The following SHISA9 variants were observed in gnomAD, a reference collection of about 807,000 sequenced individuals.
SHISA9 encodes the protein shisa family member 9, also known as protein shisa-9.
SHISA9 carries 13 observed loss-of-function variants against 38.0 expected under a neutral mutation model. The ratio of observed to expected loss-of-function variants is 0.34; its 90% CI spans 0.22 to 0.54. The LOEUF is 0.54. Ranked by LOEUF, SHISA9 falls within the 20% of genes least tolerant of loss-of-function variation. The pLI, the probability that SHISA9 is intolerant of heterozygous loss-of-function variation, is 0.91. For missense variants in SHISA9, 538 were observed against 575.8 expected, an observed-to-expected ratio of 0.93 and a Z score of 0.67; for synonymous variants, 275 against 242.0, an observed-to-expected ratio of 1.14 and a Z score of -1.27.
At chr16:13,381,366 G>T in the SHISA9 span, among the ~76,000 whole-genome samples, 121 of 152,302 alleles carry the variant, frequency 7.9e-4, no homozygotes, top group African/African-American at 2.6e-3. Flanking sequence ...CTAGTGTTCT[G>T]TGGAGACTCT....
intron 2 of SHISA9, among the ~76,000 whole-genome samples, chr16:13,196,937 T>G (rs1309542882): frequency 6.6e-6 from 1 of 152,022 alleles, no homozygotes; most frequent in Admixed American, 6.6e-5. Flanking sequence ...CCACTAAAAA[T>G]ACAAACATTA....
the SHISA9 span, among the ~76,000 whole-genome samples, chr16:13,491,275 G>A: frequency 5.3e-5 from 8 of 152,100 alleles, no homozygotes; most frequent in African/African-American, 1.9e-4. Context: ...TGATGGTAAC[G>A]AGGATGACGG....
chr16:13,455,876 T>A, the SHISA9 span, among the ~76,000 whole-genome samples: 1 of 152,162 alleles, frequency 6.6e-6, no homozygotes. Context: ...GACTGTGAGT[T>A]TTTCTCTAAG....
the SHISA9 span, among the ~76,000 whole-genome samples, chr16:13,475,965 C>T: frequency 7.4e-4 from 112 of 152,200 alleles, no homozygotes; most frequent in African/African-American, 2.6e-3. Flanking sequence ...CTATGGGGAG[C>T]AGCTGTAAAT....
the SHISA9 span, among the ~76,000 whole-genome samples, chr16:13,558,550 T>C: frequency 1.3e-5 from 2 of 152,174 alleles, no homozygotes; most frequent in African/African-American, 4.8e-5. Flanking sequence ...TTTAAAGGCA[T>C]CTTATGTAAC....
chr16:13,357,595 G>T, the SHISA9 span, among the ~76,000 whole-genome samples: 1 of 152,214 alleles, frequency 6.6e-6, no homozygotes, highest in Admixed American at 6.5e-5. Flanking sequence ...TCCGTGTGAA[G>T]AGACCACCAA....
At chr16:13,103,999 A>G (rs932734584) in intron 2 of SHISA9, among the ~76,000 whole-genome samples, 2 of 152,164 alleles carry the variant, frequency 1.3e-5, no homozygotes, top group Non-Finnish European at 2.9e-5. Flanking sequence ...AAACACAGCC[A>G]TTAGTTTCTC....
chr16:13,293,597 AC>A, the SHISA9 span, among the ~76,000 whole-genome samples: 58 of 152,280 alleles, frequency 3.8e-4, no homozygotes, highest in Non-Finnish European at 5.9e-4. Context: ...CTGACACAAA[AC>A]AAGCACCTGA....
At chr16:12,910,643 TAAAC>T (rs780242988) in intron 1 of SHISA9, 28 of 985,384 alleles carry the variant, frequency 2.8e-5, no homozygotes, top group Admixed American at 6.1e-5. Context: ...ATTGTTGTTT[TAAAC>T]AAACAATTTT....
At chr16:13,060,818 C>T (rs886374768) in intron 2 of SHISA9, among the ~76,000 whole-genome samples, 1 of 152,084 alleles carries the variant, frequency 6.6e-6, no homozygotes, top group Non-Finnish European at 1.5e-5. Flanking sequence ...CAAGGGCTGG[C>T]GTGGGAGTTG....
Position 13,203,471 on chromosome 16 carries a change from C to G in SHISA9, c.769C>G (p.Leu257Val). The G allele has an allele frequency of 2.6e-6, 4 of 1,551,418 alleles. No homozygotes were observed. Among genetic ancestry groups the G allele is most frequent in the Middle Eastern group, 1.7e-4 (1 of 5,994 alleles). Reference sequence around the variant, plus strand: ...GGGCCATCCACATTCGTACCCGAACCTGGGCCAGATCTCCAACCCCTATGA... The same window carrying G: ...GGGCCATCCACATTCGTACCCGAACGTGGGCCAGATCTCCAACCCCTATGA... ...QMGHPHSYPN[L>V]GQISNPYEQQ... The change falls in exon 3 of 5, where the codon CTG (leucine) becomes GTG (valine). Residue 257 changes from leucine to valine, a missense_variant. Coordinates refer to ENST00000558583, the MANE Select transcript of SHISA9 (RefSeq NM_001145204.3).
chr16:13,204,381 C>T (rs552062593), intron 3 of SHISA9, among the ~76,000 whole-genome samples: 4 of 152,092 alleles, frequency 2.6e-5, no homozygotes, highest in South Asian at 2.1e-4. Context: ...GGCACATGTG[C>T]GGTGAGGGCT....
the SHISA9 span, among the ~76,000 whole-genome samples, chr16:13,487,760 T>C: frequency 1.3e-5 from 2 of 152,258 alleles, no homozygotes; most frequent in African/African-American, 4.8e-5. Context: ...GTTTCCATTA[T>C]TTTCATTGTT....
rs180677601 is a variant in SHISA9 at position 12,946,637 on chromosome 16, C to G, written c.691+29822C>G. ...TGAGGCAAGTGGCTGGTGTTTTGAA[C>G]TTTTGTGTCAGTCAGTCCCCGGCTC... On this transcript the variant is annotated intron_variant, in intron 2 of 4. Transcript: ENST00000558583. Among the ~76,000 whole-genome samples the G allele has an allele frequency of 4.9e-3, 753 of 152,312 alleles. 4 individuals carry two copies. Among genetic ancestry groups the G allele is most frequent in the Non-Finnish European group, 7.7e-3 (521 of 68,018 alleles).
the SHISA9 span, among the ~76,000 whole-genome samples, chr16:13,288,469 G>GAGAGAGACAA: frequency 6.6e-6 from 1 of 152,154 alleles, no homozygotes; most frequent in Non-Finnish European, 1.5e-5. Flanking sequence ...GGAAGGGAGA[G>GAGAGAGACAA]AGAGAGACAA....
chr16:13,170,890 C>G lies in SHISA9; in HGVS notation c.692-32504C>G, dbSNP rs540470716. Reference sequence around the variant, plus strand: ...CAGGCTGGTCTCCAACTCCTGACCTCAGGTCATCCACCCGCCTTGGCCTCC... The same window carrying G: ...CAGGCTGGTCTCCAACTCCTGACCTGAGGTCATCCACCCGCCTTGGCCTCC... On this transcript the variant is annotated intron_variant, in intron 2 of 4. Coordinates refer to ENST00000558583, the MANE Select transcript of SHISA9 (RefSeq NM_001145204.3). Among the ~76,000 whole-genome samples the G allele has an allele frequency of 2.6e-5, 4 of 152,294 alleles. No homozygotes were observed. In the South Asian group the frequency reaches 8.3e-4, roughly 32 times the overall value.
At chr16:13,053,589 A>C (rs1033199400) in intron 2 of SHISA9, among the ~76,000 whole-genome samples, 1 of 150,526 alleles carries the variant, frequency 6.6e-6, no homozygotes, top group Admixed American at 6.6e-5. Flanking sequence ...ATCACCTACC[A>C]CCTCTCTCTG....
chr16:13,525,608 A>T, the SHISA9 span, among the ~76,000 whole-genome samples: 1 of 152,256 alleles, frequency 6.6e-6, no homozygotes, highest in Admixed American at 6.5e-5. Flanking sequence ...CCACCACTTG[A>T]AATTAATACT....
At chr16:13,233,405 A>G (rs1242785855) in intron 4 of SHISA9, among the ~76,000 whole-genome samples, 1 of 152,210 alleles carries the variant, frequency 6.6e-6, no homozygotes, top group African/African-American at 2.4e-5. Flanking sequence ...ATAGTTGGCA[A>G]TATGTATCAA....
Sources: allele counts gnomAD v4.1 joint callset (sites outside exome capture counted in the v4.1 genomes callset), GRCh38; gene constraint gnomAD v4.1.1; transcripts MANE v1.5; gene names NCBI Gene and HGNC (gene_info 2026-07-23, HGNC 2026-07-21).